ZNF365: variants seen among roughly 807,000 people sequenced by gnomAD.
The protein encoded by ZNF365 is protein ZNF365.
ZNF365 carries 22 observed loss-of-function variants against 35.0 expected under a neutral mutation model. That is an observed-to-expected ratio of 0.63 (90% CI 0.45 to 0.90). The LOEUF (loss-of-function observed/expected upper bound fraction) is 0.90, where lower values mean the gene tolerates loss of function less well. Ranked by LOEUF, ZNF365 falls within the 40% of genes least tolerant of loss-of-function variation. The pLI is 0.00. For missense variants in ZNF365, 448 were observed against 500.3 expected (o/e 0.90, Z 1.00); for synonymous variants, 188 against 196.2 (o/e 0.96, Z 0.35).
chr10:62,447,185 C>T (rs1244372697), intron 3 of ZNF365, among the ~76,000 whole-genome samples: 1 of 152,144 alleles, frequency 6.6e-6, no homozygotes, highest in Non-Finnish European at 1.5e-5. Flanking sequence ...TACAAAAATA[C>T]ATACATTAAT....
At position 62,399,999 on chromosome 10, in the gene ZNF365, G is replaced by A. The variant is rs1839800032; in HGVS notation, c.*210G>A. ...TATTATAACCCCCTTTTAGAAGCTT[G>A]CAAATTACAGAAAGAATAAAAAAAT... is the stretch of plus-strand genomic sequence containing the variant. On this transcript the variant is annotated 3_prime_UTR_variant, in exon 5 of 5. Transcript: ENST00000395254. 1.5e-6 allele frequency: 2 copies of A among 1,324,788 alleles called. No homozygotes were observed. Among genetic ancestry groups the A allele is most frequent in the Admixed American group, 3.3e-5 (1 of 30,166 alleles). 82.1% of individuals were successfully genotyped at this position (1,324,788 alleles called of 1,614,324 possible).
intron 4 of ZNF365, among the ~76,000 whole-genome samples, chr10:62,474,921 C>T (rs986283378): frequency 6.6e-6 from 1 of 152,186 alleles, no homozygotes; most frequent in African/African-American, 2.4e-5. Context: ...ATTTGACCAA[C>T]TTTTCCTTTA....
chr10:62,432,232 G>T (rs1428098343), intron 3 of ZNF365, among the ~76,000 whole-genome samples: 1 of 152,162 alleles, frequency 6.6e-6, no homozygotes, highest in African/African-American at 2.4e-5. Flanking sequence ...GCATTGCTGG[G>T]AGCTGAGGGG....
intron 3 of ZNF365, among the ~76,000 whole-genome samples, chr10:62,410,694 T>C (rs1023790717): frequency 1.3e-5 from 2 of 152,172 alleles, no homozygotes; most frequent in African/African-American, 4.8e-5. Context: ...AAGGACATTA[T>C]CTCATTCCTT....
chr10:62,405,522 T>A (rs561952872), downstream of ZNF365, among the ~76,000 whole-genome samples: 20 of 152,308 alleles, frequency 1.3e-4, no homozygotes, highest in African/African-American at 4.8e-4. Flanking sequence ...CAAAAAATGA[T>A]CCTATATGCA....
At chr10:62,440,370 A>C (rs1225938044) in intron 3 of ZNF365, among the ~76,000 whole-genome samples, 2 of 119,014 alleles carry the variant, frequency 1.7e-5, no homozygotes, top group Non-Finnish European at 3.8e-5. Flanking sequence ...CCTAGTACCT[A>C]ATAGTTATCT....
intron 3 of ZNF365, among the ~76,000 whole-genome samples, chr10:62,446,773 G>A (rs748713018): frequency 6.6e-6 from 1 of 152,070 alleles, no homozygotes; most frequent in Admixed American, 6.5e-5. Flanking sequence ...TGGGTGAAAC[G>A]GCTGGCTGGT....
At position 62,400,301 on chromosome 10, in the gene ZNF365, A is replaced by AG; in HGVS notation, c.*512_*513insG. 1 of 986,806 alleles carries AG rather than the reference A, an allele frequency of 1.0e-6. No individual in the cohort carries two copies. Among genetic ancestry groups the AG allele is most frequent in the Non-Finnish European group, 1.2e-6 (1 of 830,550 alleles). 61.1% of individuals were successfully genotyped at this position (986,806 alleles called of 1,614,324 possible). A position where few individuals can be genotyped will look rare whatever the true frequency, so the allele number is the denominator to read the frequency against. On this transcript the variant is annotated 3_prime_UTR_variant, in exon 5 of 5. Transcript: ENST00000395254. The stretch of plus-strand genomic sequence containing the variant: ...GAAAGCCTCCAAAATAAGGATTCCC[A>AG]TTCCCCGAGTATTCTGGTTAATCAA...
chr10:62,377,985 G>C (rs557542830), intron 2 of ZNF365, among the ~76,000 whole-genome samples: 7 of 152,336 alleles, frequency 4.6e-5, no homozygotes, highest in Admixed American at 4.6e-4. Context: ...AGATTAAAGA[G>C]ATCATTACTT....
At chr10:62,383,048 C>G (rs1839466772) in intron 2 of ZNF365, among the ~76,000 whole-genome samples, 1 of 152,120 alleles carries the variant, frequency 6.6e-6, no homozygotes, top group Non-Finnish European at 1.5e-5. Flanking sequence ...GTAGGTTACT[C>G]ATTGGTTTTA....
At chr10:62,459,890 C>T (rs1272131552) in intron 4 of ZNF365, 17 of 1,110,522 alleles carry the variant, frequency 1.5e-5, no homozygotes, top group Non-Finnish European at 2.3e-5. Flanking sequence ...AGGGGCGCAG[C>T]AGGCCATTGG....
At chr10:62,382,728 C>T (rs1424804111) in intron 2 of ZNF365, among the ~76,000 whole-genome samples, 1 of 152,202 alleles carries the variant, frequency 6.6e-6, no homozygotes, top group African/African-American at 2.4e-5. Flanking sequence ...GAGCCGACTC[C>T]ATGCTATGGG....
chr10:62,455,374 A>G (rs1840746278), intron 3 of ZNF365, among the ~76,000 whole-genome samples: 1 of 152,198 alleles, frequency 6.6e-6, no homozygotes, highest in African/African-American at 2.4e-5. Context: ...CAGATGTAGA[A>G]CACTGTTCAT....
intron 2 of ZNF365, among the ~76,000 whole-genome samples, chr10:62,383,319 G>C (rs1032079142): frequency 1.6e-4 from 25 of 152,154 alleles, no homozygotes; most frequent in Non-Finnish European, 5.9e-5. Flanking sequence ...TGGTGATAAG[G>C]TACAAACTTC....
downstream of ZNF365, among the ~76,000 whole-genome samples, chr10:62,405,927 T>C (rs1345093761): frequency 2.0e-5 from 3 of 152,360 alleles, no homozygotes; most frequent in East Asian, 5.8e-4. Context: ...TTTTTATCTT[T>C]AAGTGTGCCT....
At chr10:62,470,028 T>C (rs1841007835) in intron 4 of ZNF365, among the ~76,000 whole-genome samples, 1 of 152,236 alleles carries the variant, frequency 6.6e-6, no homozygotes, top group Non-Finnish European at 1.5e-5. Flanking sequence ...ATTATTAATA[T>C]ATGATAGTTC....
At chr10:62,423,595 A>G (rs1447240301) in intron 3 of ZNF365, among the ~76,000 whole-genome samples, 5 of 152,198 alleles carry the variant, frequency 3.3e-5, no homozygotes, top group Non-Finnish European at 4.4e-5. Flanking sequence ...GCTATTCTAA[A>G]TGACTAGAAT....
chr10:62,385,912 T>A (rs976057159), intron 2 of ZNF365, among the ~76,000 whole-genome samples: 1 of 152,148 alleles, frequency 6.6e-6, no homozygotes, highest in Non-Finnish European at 1.5e-5. Context: ...CTTTTTTTTT[T>A]AACTTTTGGT....
intron 3 of ZNF365, among the ~76,000 whole-genome samples, chr10:62,412,402 T>C (rs1839999843): frequency 6.6e-6 from 1 of 152,064 alleles, no homozygotes; most frequent in African/African-American, 2.4e-5. Context: ...TTTCTTACCA[T>C]TGCTATTCAA....
Sources: gnomAD v4.1 joint callset for allele counts (sites outside exome capture counted in the v4.1 genomes callset) on GRCh38, gnomAD v4.1.1 for gene constraint, MANE v1.5 for transcripts, NCBI Gene and HGNC (gene_info 2026-07-23, HGNC 2026-07-21) for gene names.